DIAPH2: variants seen among roughly 807,000 people sequenced by gnomAD.
DIAPH2 encodes diaphanous related formin 2.
In DIAPH2, 35 loss-of-function variants were observed where a neutral mutation model predicts 92.7. The ratio of observed to expected loss-of-function variants is 0.38; its 90% CI spans 0.29 to 0.50. DIAPH2 has a LOEUF of 0.50. DIAPH2 is among the 20% of genes least tolerant of loss of function. The probability of loss-of-function intolerance (pLI) is 0.94; values close to 1 mark genes in which losing one functional copy is unlikely to be tolerated. For synonymous variants in DIAPH2, 301 were observed against 280.4 expected (o/e 1.07, Z -0.73); for missense variants, 701 against 819.5 (o/e 0.86, Z 1.77).
At chrX:96,936,774 T>G (rs2065660632) in intron 10 of DIAPH2, among the ~76,000 whole-genome samples, 1 of 111,938 alleles carries the variant, frequency 8.9e-6, no homozygotes, top group African/African-American at 3.2e-5. Context: ...ATACATCTTT[T>G]CAAGCCATAC....
chrX:97,303,889 A>G (rs1178470627), intron 23 of DIAPH2, among the ~76,000 whole-genome samples: 1 of 111,578 alleles, frequency 9.0e-6, no homozygotes, highest in African/African-American at 3.3e-5. Flanking sequence ...AAGGTGGTCT[A>G]GCTATTTGTT....
intron 3 of DIAPH2, among the ~76,000 whole-genome samples, chrX:96,744,217 A>G (rs189541134): frequency 1.4e-3 from 157 of 112,227 alleles, no homozygotes; most frequent in African/African-American, 4.7e-3. Flanking sequence ...GTTTTCATCT[A>G]CTGTATACTT....
At chrX:97,485,492 T>A (rs969834990) in intron 26 of DIAPH2, among the ~76,000 whole-genome samples, 2 of 112,745 alleles carry the variant, frequency 1.8e-5, no homozygotes, top group Non-Finnish European at 3.8e-5. Context: ...TCAAATGGAC[T>A]GAAAGTCATT....
chrX:97,422,287 T>G (rs2070017514), intron 25 of DIAPH2, among the ~76,000 whole-genome samples: 1 of 107,456 alleles, frequency 9.3e-6, no homozygotes, highest in South Asian at 4.0e-4. Context: ...GTATGATCTG[T>G]TTTTTTTTTA....
chrX:97,274,897 G>A lies in DIAPH2; in HGVS notation c.2844+27058G>A, dbSNP rs180863840. On this transcript the variant is annotated intron_variant, in intron 23 of 26. Transcript: ENST00000324765. The stretch of plus-strand genomic sequence containing the variant: ...TGTTTAACAAAGCCCATCTTGCACC[G>A]CCCTTAATCCAATTAACCCTGAGTG... 4.8e-4 allele frequency among the ~76,000 whole-genome samples: 53 copies of A among 110,925 alleles called. No homozygotes were observed. In the East Asian group the frequency reaches 8.0e-3, roughly 17 times the overall value.
At chrX:97,106,667 C>T (rs2066943067) in intron 20 of DIAPH2, among the ~76,000 whole-genome samples, 1 of 111,613 alleles carries the variant, frequency 9.0e-6, no homozygotes, top group South Asian at 3.8e-4. Context: ...GGCATGGTGG[C>T]TCATGCCTGT....
At chrX:97,296,776 C>CG (rs1556020320) in intron 23 of DIAPH2, among the ~76,000 whole-genome samples, 1 of 97,347 alleles carries the variant, frequency 1.0e-5, no homozygotes, top group African/African-American at 3.8e-5. Context: ...GGCTACAGAA[C>CG]TTTTTTTTTT....
intron 25 of DIAPH2, among the ~76,000 whole-genome samples, chrX:97,401,292 G>A (rs979865977): frequency 8.2e-5 from 9 of 110,196 alleles, no homozygotes; most frequent in Non-Finnish European, 1.5e-4. Flanking sequence ...CGTGTGTTCT[G>A]ACTCATCACT....
At chrX:96,881,868 G>T in intron 5 of DIAPH2, 150 bp downstream of exon 5, 1 of 538,672 alleles carries the variant, frequency 1.9e-6, no homozygotes, top group Non-Finnish European at 2.8e-6. Flanking sequence ...TTGTGAAGTC[G>T]TAAACTTTTA....
intron 21 of DIAPH2, among the ~76,000 whole-genome samples, chrX:97,131,992 G>A (rs1170676234): frequency 3.6e-5 from 4 of 111,419 alleles, no homozygotes; most frequent in African/African-American, 9.8e-5. Flanking sequence ...GAGAAGGGGA[G>A]CAGGAAGGAC....
intron 25 of DIAPH2, among the ~76,000 whole-genome samples, chrX:97,408,899 A>C (rs1319379340): frequency 8.9e-6 from 1 of 112,188 alleles, no homozygotes; most frequent in Admixed American, 9.5e-5. Flanking sequence ...TGAAGAAGCC[A>C]AAGAAAAATT....
chrX:96,820,896 A>G (rs1033769290), intron 4 of DIAPH2, among the ~76,000 whole-genome samples: 1 of 112,250 alleles, frequency 8.9e-6, no homozygotes, highest in Admixed American at 9.5e-5. Context: ...GGCTTTCCTG[A>G]TGTAGTGATT....
intron 23 of DIAPH2, among the ~76,000 whole-genome samples, chrX:97,265,775 C>T (rs2068331253): frequency 9.0e-6 from 1 of 111,432 alleles, no homozygotes; most frequent in African/African-American, 3.3e-5. Flanking sequence ...TCATGTAGGT[C>T]CTTGTTGGCC....
intron 20 of DIAPH2, among the ~76,000 whole-genome samples, chrX:97,106,396 T>C (rs991742660): frequency 2.7e-5 from 3 of 111,679 alleles, no homozygotes; most frequent in African/African-American, 9.7e-5. Flanking sequence ...TGTATTTATA[T>C]TCTTATCCCT....
intron 22 of DIAPH2, among the ~76,000 whole-genome samples, chrX:97,220,706 C>G (rs1204218203): frequency 8.9e-6 from 1 of 112,021 alleles, no homozygotes; most frequent in Non-Finnish European, 1.9e-5. Context: ...TGGAATGTTT[C>G]AAACTCTACT....
At chrX:96,960,777 C>T (rs2065842181) in intron 16 of DIAPH2, among the ~76,000 whole-genome samples, 1 of 111,870 alleles carries the variant, frequency 8.9e-6, no homozygotes, top group African/African-American at 3.2e-5. Flanking sequence ...TGTTCCCTCT[C>T]TGCCTAATTG....
intron 25 of DIAPH2, among the ~76,000 whole-genome samples, chrX:97,385,653 A>G (rs1049584284): frequency 8.9e-6 from 1 of 111,846 alleles, no homozygotes; most frequent in Non-Finnish European, 1.9e-5. Context: ...GGTCACACAA[A>G]CAGGAAGTAC....
intron 4 of DIAPH2, among the ~76,000 whole-genome samples, chrX:96,766,598 A>G (rs944126596): frequency 2.7e-5 from 3 of 112,047 alleles, no homozygotes; most frequent in Admixed American, 1.9e-4. Context: ...ATTGATAAAA[A>G]GGGCAGGTAG....
Position 97,600,726 on chromosome X carries a change from A to C in DIAPH2, c.*1409A>C, listed in dbSNP as rs1005903692. 1.0e-5 allele frequency: 1 copy of C among 100,170 alleles called. No homozygotes were observed. Among genetic ancestry groups the C allele is most frequent in the East Asian group, 3.4e-4 (1 of 2,904 alleles). The allele number at this position is 100,170 out of a possible 1,213,427, so 8.3% of individuals were successfully genotyped here. ...GTGATTATTGTAAGAAATTTCTTAC[A>C]TGTATATTTCTTATGTAGAAAATAC... On this transcript the variant is annotated 3_prime_UTR_variant, in exon 27 of 27. Coordinates refer to ENST00000324765, the MANE Select transcript of DIAPH2 (RefSeq NM_006729.5).
Sources: gnomAD v4.1 joint callset for allele counts (sites outside exome capture counted in the v4.1 genomes callset) on GRCh38, gnomAD v4.1.1 for gene constraint, MANE v1.5 for transcripts, NCBI Gene and HGNC (gene_info 2026-07-23, HGNC 2026-07-21) for gene names.